Variants in PLCE1 observed in about 807,000 individuals in gnomAD.
PLCE1 encodes the protein 1-phosphatidylinositol 4,5-bisphosphate phosphodiesterase epsilon-1.
In PLCE1, 119 loss-of-function variants were observed where a neutral mutation model predicts 242.8. That is an observed-to-expected ratio of 0.49 (90% CI 0.42 to 0.57). PLCE1 has a LOEUF of 0.57. PLCE1 is among the 20% of genes least tolerant of loss of function. PLCE1 has a pLI of 0.00. For missense variants in PLCE1, 2,441 were observed against 2,788.8 expected (o/e 0.88, Z 2.81); for synonymous variants, 945 against 1,017.4 (o/e 0.93, Z 1.35).
intron 24 of PLCE1, among the ~76,000 whole-genome samples, chr10:94,299,713 C>CAGCT (rs925376738): frequency 1.2e-4 from 19 of 152,318 alleles, no homozygotes; most frequent in Admixed American, 7.8e-4. Context: ...GCTCTGGGAC[C>CAGCT]AGCTAGCTAC....
chr10:94,173,249 CT>C (rs1201308780), intron 4 of PLCE1, among the ~76,000 whole-genome samples: 1 of 152,206 alleles, frequency 6.6e-6, no homozygotes, highest in African/African-American at 2.4e-5. Flanking sequence ...CAGGATTGCA[CT>C]GGGGGGTGGT....
chr10:94,071,930 C>T (rs1406811311), intron 2 of PLCE1, among the ~76,000 whole-genome samples: 2 of 152,020 alleles, frequency 1.3e-5, no homozygotes, highest in Non-Finnish European at 2.9e-5. Flanking sequence ...TCTTTCATTT[C>T]ATTGCATTGA....
intron 2 of PLCE1, among the ~76,000 whole-genome samples, chr10:94,086,980 T>C (rs1267236952): frequency 6.6e-6 from 1 of 152,118 alleles, no homozygotes; most frequent in Non-Finnish European, 1.5e-5. Flanking sequence ...TCTTGTAATA[T>C]TGGAGCGAAT....
At chr10:94,004,561 G>A (rs2060998954) in intron 1 of PLCE1, among the ~76,000 whole-genome samples, 1 of 152,250 alleles carries the variant, frequency 6.6e-6, no homozygotes, top group Admixed American at 6.5e-5. Context: ...GGGTGTCTTT[G>A]TGGAGAAGCT....
chr10:94,074,966 A>G (rs1400069225), intron 2 of PLCE1, among the ~76,000 whole-genome samples: 1 of 152,110 alleles, frequency 6.6e-6, no homozygotes, highest in African/African-American at 2.4e-5. Context: ...TCTACACATA[A>G]TGTTTTCTAC....
chr10:94,021,202 T>A (rs990104379), intron 1 of PLCE1, among the ~76,000 whole-genome samples: 2 of 151,634 alleles, frequency 1.3e-5, no homozygotes, highest in South Asian at 4.2e-4. Context: ...TTTCTCCCGG[T>A]CTGTGTCTTA....
chr10:94,071,068 C>G (rs1349174688), intron 2 of PLCE1, among the ~76,000 whole-genome samples: 1 of 152,172 alleles, frequency 6.6e-6, no homozygotes, highest in Non-Finnish European at 1.5e-5. Context: ...TTCAGGAAGG[C>G]TAAGCAGCTT....
chr10:94,179,512 G>GTTTTTTTTTGTTTTTTTTTTTTTTTTTTT (rs750384818), intron 4 of PLCE1, among the ~76,000 whole-genome samples: 3 of 19,398 alleles, frequency 1.5e-4, no homozygotes, highest in East Asian at 2.4e-3. Context: ...TTTTAGTTTA[G>GTTTTTTTTTGTTTTTTTTTTTTTTTTTTT]TTTTTTTTTT....
At chr10:94,063,854 A>G (rs138299284) in intron 2 of PLCE1, among the ~76,000 whole-genome samples, 1,667 of 152,300 alleles carry the variant, frequency 0.011, 18 homozygotes, top group Non-Finnish European at 0.017. Flanking sequence ...AATAGTAATT[A>G]GTTAAAGTCA....
At chr10:94,102,915 G>C (rs940389396) in intron 2 of PLCE1, among the ~76,000 whole-genome samples, 3 of 152,176 alleles carry the variant, frequency 2.0e-5, no homozygotes, top group African/African-American at 7.2e-5. Flanking sequence ...CTCAGGCATA[G>C]TTTAAAATAG....
intron 27 of PLCE1, among the ~76,000 whole-genome samples, chr10:94,308,953 T>C (rs151271226): frequency 0.011 from 1,748 of 152,294 alleles, 17 homozygotes; most frequent in Non-Finnish European, 0.018. Flanking sequence ...GCTAAGTACA[T>C]CTGAGGTCAC....
At chr10:94,049,109 A>G (rs1020886142) in intron 2 of PLCE1, among the ~76,000 whole-genome samples, 4 of 152,024 alleles carry the variant, frequency 2.6e-5, no homozygotes, top group African/African-American at 4.8e-5. Context: ...TATAGTGTTA[A>G]TACTTTCTCC....
intron 1 of PLCE1, among the ~76,000 whole-genome samples, chr10:94,026,266 C>G (rs979954695): frequency 1.3e-5 from 2 of 152,124 alleles, no homozygotes; most frequent in Admixed American, 1.3e-4. Flanking sequence ...CTCCATAGAT[C>G]GACTTCCTGG....
At chr10:94,135,067 CAGTT>C (rs1564720755) in intron 3 of PLCE1, among the ~76,000 whole-genome samples, 1 of 152,082 alleles carries the variant, frequency 6.6e-6, no homozygotes, top group Non-Finnish European at 1.5e-5. Flanking sequence ...TTACGTGCCT[CAGTT>C]AAACATATTC....
At position 94,246,373 on chromosome 10, in the gene PLCE1, G is replaced by C. The variant is rs911535516; in HGVS notation, c.2848G>C (p.Gly950Arg). 2 of 1,614,172 alleles carry C rather than the reference G, an allele frequency of 1.2e-6. No homozygotes were observed. Among genetic ancestry groups the C allele is most frequent in the East Asian group, 4.5e-5 (2 of 44,884 alleles). ...AVKAVYMGHP[G>R]IDIHTVCVQN... The stretch of plus-strand genomic sequence containing the variant: ...GAAGGCTGTATACATGGGCCACCCT[G>C]GCATTGATATACACACTGTGTGTGT... The change falls in exon 8 of 33, where the codon GGC (glycine) becomes CGC (arginine). Residue 950 changes from glycine to arginine, a missense_variant. Physicochemically the swap from Gly to Arg is moderately radical, Grantham distance 125. Transcript: ENST00000371380.
chr10:94,098,626 G>A (rs2135458481), intron 2 of PLCE1, among the ~76,000 whole-genome samples: 1 of 152,294 alleles, frequency 6.6e-6, no homozygotes, highest in South Asian at 2.1e-4. Flanking sequence ...TGACTGATAT[G>A]TCTTGTGAAT....
intron 2 of PLCE1, among the ~76,000 whole-genome samples, chr10:94,128,451 G>A (rs2046499054): frequency 6.6e-6 from 1 of 152,126 alleles, no homozygotes; most frequent in Non-Finnish European, 1.5e-5. Flanking sequence ...TCTCTTTCTG[G>A]TTCTTTGTGG....
rs143792530 is a variant in PLCE1, at chr10:94,322,911, C to T, written c.6501+852C>T. Among the ~76,000 whole-genome samples, 820 of 152,220 alleles carry T rather than the reference C, an allele frequency of 5.4e-3. 12 individuals are homozygous for T. The highest frequency in any genetic ancestry group is 0.018 in the African/African-American group (755 of 41,522). ...GCAGAGGTTTGCAATGAGCCAAAATCGTGCCACTTTACTCCAGCCTGGGCA... is the reference window on the plus strand; with the variant it reads ...GCAGAGGTTTGCAATGAGCCAAAATTGTGCCACTTTACTCCAGCCTGGGCA... On this transcript the variant is annotated intron_variant, in intron 30 of 32. Transcript: ENST00000371380.
At chr10:94,228,640 G>A (rs1359610146) in intron 5 of PLCE1, among the ~76,000 whole-genome samples, 1 of 152,072 alleles carries the variant, frequency 6.6e-6, no homozygotes, top group Non-Finnish European at 1.5e-5. Flanking sequence ...CAGGTCCCTA[G>A]GTAGGGATTC....
Sources: gnomAD v4.1 joint callset for allele counts (sites outside exome capture counted in the v4.1 genomes callset) on GRCh38, gnomAD v4.1.1 for gene constraint, MANE v1.5 for transcripts, NCBI Gene and HGNC (gene_info 2026-07-23, HGNC 2026-07-21) for gene names.